ANXA10: variants seen among roughly 807,000 people sequenced by gnomAD.
ANXA10 encodes the protein annexin 14.
A neutral mutation model predicts 53.5 loss-of-function variants in ANXA10; 49 were observed. The ratio of observed to expected loss-of-function variants is 0.92; its 90% CI spans 0.73 to 1.16. The LOEUF (loss-of-function observed/expected upper bound fraction) is 1.16, where lower values mean the gene tolerates loss of function less well. ANXA10 is among the 50% of genes most tolerant of loss of function. ANXA10 has a pLI of 0.00. For synonymous variants in ANXA10, 131 were observed against 128.9 expected (o/e 1.02, Z -0.11); for missense variants, 393 against 394.4 (o/e 1.00, Z 0.03).
intron 3 of ANXA10, among the ~76,000 whole-genome samples, chr4:168,156,754 C>T (rs796829159): frequency 8.6e-5 from 13 of 151,982 alleles, no homozygotes; most frequent in East Asian, 5.8e-4. Flanking sequence ...CCTCCTGCCT[C>T]GGCCTCCCAA....
chr4:168,165,382 T>G (rs1731858428), intron 6 of ANXA10, 56 bp downstream of exon 6: 2 of 812,926 alleles, frequency 2.5e-6, no homozygotes, highest in South Asian at 3.3e-5. Flanking sequence ...TAAGTATATG[T>G]CATTGCCAAA....
At chr4:168,132,440 G>A (rs1454455194) in intron 2 of ANXA10, among the ~76,000 whole-genome samples, 1 of 151,948 alleles carries the variant, frequency 6.6e-6, no homozygotes, top group Non-Finnish European at 1.5e-5. Flanking sequence ...TTAACACATG[G>A]ACATAAAAAA....
intron 1 of ANXA10, among the ~76,000 whole-genome samples, chr4:168,120,601 T>A (rs952769309): frequency 1.3e-5 from 2 of 152,050 alleles, no homozygotes; most frequent in African/African-American, 4.8e-5. Context: ...ATCGCAATGT[T>A]AATAAAATAC....
intron 3 of ANXA10, among the ~76,000 whole-genome samples, chr4:168,155,910 T>TCA (rs528248963): frequency 0.019 from 41 of 2,214 alleles, 6 homozygotes; most frequent in African/African-American, 0.049. Context: ...ATATCATATA[T>TCA]TATATTATAT....
chr4:168,154,700 C>A (rs1731570858), intron 3 of ANXA10, among the ~76,000 whole-genome samples: 1 of 152,078 alleles, frequency 6.6e-6, no homozygotes, highest in Non-Finnish European at 1.5e-5. Flanking sequence ...CCACAGGTAC[C>A]ACCTATTTGC....
chr4:168,157,718 A>G (rs1018360948), intron 3 of ANXA10, among the ~76,000 whole-genome samples: 5 of 152,180 alleles, frequency 3.3e-5, no homozygotes, highest in Non-Finnish European at 4.4e-5. Context: ...AAATGTAATC[A>G]TGTCATATGT....
intron 3 of ANXA10, among the ~76,000 whole-genome samples, chr4:168,151,346 CT>C (rs1156567477): frequency 3.3e-5 from 5 of 152,186 alleles, no homozygotes; most frequent in Non-Finnish European, 7.4e-5. Context: ...TTTCTTGCCC[CT>C]GTTTATCCAT....
In ANXA10 at chr4:168,139,671, A is replaced by T. The variant is rs1731296722; in HGVS notation, c.195+91A>T. The T allele has an allele frequency of 1.1e-5, 9 of 830,550 alleles. No homozygotes were observed. In the Admixed American group the frequency reaches 1.2e-4, roughly 11 times the overall value. The allele number at this position is 830,550 out of a possible 1,614,324, so 51.4% of individuals were successfully genotyped here. A position where few individuals can be genotyped will look rare whatever the true frequency, so the allele number is the denominator to read the frequency against. ...AATAGGTATTTTTTTTTTCAATCTC[A>T]CAGATTGCAAATATCTCAGACATCA... On this transcript the variant is annotated intron_variant, in intron 3 of 11. Transcript: ENST00000359299.
Position 168,139,597 on chromosome 4 carries a change from T to C in ANXA10, c.195+17T>C. On this transcript the variant is annotated intron_variant, in intron 3 of 11. Transcript: ENST00000359299. ...TATGGCCGGGTAAGGCCACTTTATC[T>C]TGACCTATTTCTAGGGCAATCTCTT... 6.3e-7 allele frequency: 1 copy of C among 1,594,274 alleles called. No individual in the cohort carries two copies.
intron 1 of ANXA10, among the ~76,000 whole-genome samples, chr4:168,126,598 C>T (rs1731073823): frequency 6.6e-6 from 1 of 152,150 alleles, no homozygotes; most frequent in Non-Finnish European, 1.5e-5. Flanking sequence ...GGGAAATTTA[C>T]ACCCTCTTAT....
chr4:168,178,173 C>T, intron 8 of ANXA10, 190 bp downstream of exon 8: 3 of 550,520 alleles, frequency 5.4e-6, no homozygotes, highest in African/African-American at 1.9e-5. Flanking sequence ...TAAATATTTC[C>T]TTAATATTTT....
At chr4:168,112,913 G>C (rs895086936) in intron 1 of ANXA10, among the ~76,000 whole-genome samples, 4 of 151,930 alleles carry the variant, frequency 2.6e-5, no homozygotes, top group Non-Finnish European at 5.9e-5. Flanking sequence ...GTCCCAGCAA[G>C]TCAGGAGTCT....
chr4:168,146,244 A>C (rs1244521390), intron 3 of ANXA10, among the ~76,000 whole-genome samples: 1 of 152,172 alleles, frequency 6.6e-6, no homozygotes, highest in Non-Finnish European at 1.5e-5. Context: ...CATGATGGTC[A>C]GATTTCAAGT....
intron 1 of ANXA10, among the ~76,000 whole-genome samples, chr4:168,096,915 T>TATATATATATAG (rs1287735008): frequency 3.6e-5 from 5 of 140,586 alleles, no homozygotes; most frequent in African/African-American, 1.3e-4. Flanking sequence ...CAAATGCATA[T>TATATATATATAG]ATATATATAT....
Position 168,159,096 on chromosome 4 carries a change from C to T in ANXA10, c.196-3432C>T, listed in dbSNP as rs143382458. ...AACCTCTTTGTAAATTACCCAGCCA[C>T]AGGTTTTTCTTTATGGCAACACAAA... On this transcript the variant is annotated intron_variant, in intron 3 of 11. Transcript: ENST00000359299. 2.2e-3 allele frequency among the ~76,000 whole-genome samples: 333 copies of T among 152,294 alleles called. 1 individual carries two copies. The highest frequency in any genetic ancestry group is 7.7e-3 in the African/African-American group (320 of 41,566).
intron 3 of ANXA10, among the ~76,000 whole-genome samples, chr4:168,143,630 A>G (rs974089478): frequency 1.3e-5 from 2 of 152,224 alleles, no homozygotes; most frequent in African/African-American, 4.8e-5. Context: ...GCCCTTGTGA[A>G]TGGGGAGAAG....
chr4:168,153,861 C>T (rs577115308), intron 3 of ANXA10, among the ~76,000 whole-genome samples: 45 of 152,262 alleles, frequency 3.0e-4, no homozygotes, highest in African/African-American at 9.6e-4. Flanking sequence ...AGCCTAAAAA[C>T]CCTACCTCCA....
rs4405979 is a variant in ANXA10, at chr4:168,165,290, A to G, written c.444A>G (p.Ser148=). 0.57 allele frequency: 900,232 copies of G among 1,586,102 alleles called. 261,920 individuals are homozygous for G. The highest frequency in any genetic ancestry group is 0.72 in the African/African-American group (53,010 of 73,978). ...AAGAGGACATTTATTCAGAGACCTC[A>G]GGACACTTCAGAGATACTCTCATGA... ...NLQEDIYSET[S]GHFRDTLMNL... The change falls in exon 6 of 12, where the codon TCA becomes TCG. Residue 148 remains serine, a synonymous_variant. Transcript: ENST00000359299.
chr4:168,146,277 G>T (rs950976892), intron 3 of ANXA10, among the ~76,000 whole-genome samples: 1 of 152,156 alleles, frequency 6.6e-6, no homozygotes, highest in Non-Finnish European at 1.5e-5. Flanking sequence ...CAAAAACATG[G>T]CACAGATTAT....
Sources: gnomAD v4.1 joint callset for allele counts (sites outside exome capture counted in the v4.1 genomes callset) on GRCh38, gnomAD v4.1.1 for gene constraint, MANE v1.5 for transcripts, NCBI Gene and HGNC (gene_info 2026-07-23, HGNC 2026-07-21) for gene names.